ANTXRL: variants seen among roughly 807,000 people sequenced by gnomAD.
The protein encoded by ANTXRL is ANTXR like.
Under a neutral mutation model 75.4 loss-of-function variants are expected in ANTXRL, and 63 were observed. The observed-to-expected ratio is 0.84, with a 90% CI of 0.68 to 1.03. ANTXRL has a LOEUF of 1.03. Among genes scored for constraint, ANTXRL ranks in the 50% least tolerant of loss-of-function variants. The probability of loss-of-function intolerance (pLI) is 0.00; values close to 1 mark genes in which losing one functional copy is unlikely to be tolerated. For missense variants in ANTXRL, 797 were observed against 789.4 expected, an observed-to-expected ratio of 1.01 and a Z score of -0.12; for synonymous variants, 335 against 291.3, an observed-to-expected ratio of 1.15 and a Z score of -1.53.
chr10:46,303,547 C>A (rs1358382006), intron 10 of ANTXRL, among the ~76,000 whole-genome samples: 2 of 152,278 alleles, frequency 1.3e-5, no homozygotes, highest in African/African-American at 2.4e-5. Context: ...GCATTTCTTT[C>A]GAACATCATG....
intron 16 of ANTXRL, among the ~76,000 whole-genome samples, chr10:46,329,323 A>C (rs782700335): frequency 4.6e-5 from 7 of 152,000 alleles, no homozygotes; most frequent in Non-Finnish European, 7.4e-5. Flanking sequence ...TACCAGGGGG[A>C]AGCAAACAAT....
chr10:46,318,119 A>G (rs1176577361), intron 16 of ANTXRL, among the ~76,000 whole-genome samples: 2 of 152,130 alleles, frequency 1.3e-5, no homozygotes, highest in African/African-American at 4.8e-5. Context: ...AGGTGGCCTC[A>G]GTGTTAGTGC....
intron 9 of ANTXRL, among the ~76,000 whole-genome samples, chr10:46,300,580 T>G (rs1340320327): frequency 3.3e-5 from 5 of 151,748 alleles, no homozygotes; most frequent in African/African-American, 1.2e-4. Context: ...GTCCACTTCC[T>G]GTTCTGGGCG....
In ANTXRL at chr10:46,313,321, G is replaced by A. The variant is rs1439208410; in HGVS notation, c.1410+5G>A. ...TGTTGTCAGAGCAGGGACCAGGTGA[G>A]CTAGGGCACAGGGACACAGTTGATG... On this transcript the variant is annotated splice_donor_5th_base_variant and intron_variant, in intron 16 of 16. Coordinates refer to ENST00000620264, the MANE Select transcript of ANTXRL (RefSeq NM_001278688.3). The A allele has an allele frequency of 2.5e-5, 39 of 1,535,696 alleles. No individual in the cohort carries two copies. The highest frequency in any genetic ancestry group is 3.3e-5 in the Non-Finnish European group (38 of 1,146,644).
chr10:46,311,280 C>G (rs549104881), intron 14 of ANTXRL, among the ~76,000 whole-genome samples: 1 of 152,076 alleles, frequency 6.6e-6, no homozygotes, highest in East Asian at 1.9e-4. Flanking sequence ...AGGCCTCTTT[C>G]AACAAGGGCA....
At chr10:46,320,908 G>T (rs1554965462) in intron 16 of ANTXRL, among the ~76,000 whole-genome samples, 1 of 152,128 alleles carries the variant, frequency 6.6e-6, no homozygotes, top group Admixed American at 6.5e-5. Flanking sequence ...TAATTCCCAG[G>T]TCTTGAGAGA....
intron 3 of ANTXRL, among the ~76,000 whole-genome samples, chr10:46,294,381 C>T (rs1208173093): frequency 5.3e-5 from 8 of 151,932 alleles, no homozygotes; most frequent in African/African-American, 1.7e-4. Context: ...CTGGGGAGCC[C>T]CTGGGTGGGG....
chr10:46,311,729 A>G, intron 15 of ANTXRL, 64 bp downstream of exon 15: 1 of 694,520 alleles, frequency 1.4e-6, no homozygotes, highest in East Asian at 2.8e-5. Context: ...GAGGGGGCAG[A>G]TGGGTCCCAC....
At position 46,297,381 on chromosome 10, in the gene ANTXRL, A is replaced by G. The variant is rs1470140873; in HGVS notation, c.586-25A>G. ...TTTGCTCCATGTATTTTGATGACCA[A>G]TATGCAATGCCTTCTTTCCCTTAGG... On this transcript the variant is annotated intron_variant, in intron 6 of 16. Coordinates refer to ENST00000620264, the MANE Select transcript of ANTXRL (RefSeq NM_001278688.3). 6.5e-6 allele frequency: 10 copies of G among 1,535,978 alleles called. No homozygotes were observed. The African/African-American group carries it at 1.4e-4, about 21-fold the overall frequency.
At chr10:46,301,829 G>A (rs571116646) in intron 9 of ANTXRL, among the ~76,000 whole-genome samples, 4 of 152,326 alleles carry the variant, frequency 2.6e-5, no homozygotes, top group African/African-American at 7.2e-5. Flanking sequence ...CATGGACCGG[G>A]GGCGCCCCAA....
chr10:46,295,096 A>C (rs1179944152), intron 3 of ANTXRL, among the ~76,000 whole-genome samples: 4 of 152,196 alleles, frequency 2.6e-5, no homozygotes, highest in African/African-American at 9.7e-5. Flanking sequence ...CAGCCCCTGC[A>C]TGCACAGCTG....
rs1198514316 is a variant in ANTXRL, at chr10:46,287,372, G to A, written c.110G>A (p.Trp37Ter). The A allele has an allele frequency of 2.6e-6, 4 of 1,536,054 alleles. No individual in the cohort carries two copies. Among genetic ancestry groups the A allele is most frequent in the Non-Finnish European group, 3.5e-6 (4 of 1,146,788 alleles). The change falls in exon 1 of 17, where the codon TGG becomes TAG. Residue 37 changes from tryptophan to a stop codon, truncating the protein, a stop_gained. Coordinates refer to ENST00000620264, the MANE Select transcript of ANTXRL (RefSeq NM_001278688.3). LOFTEE classifies it high-confidence loss of function. ...AGSLRYHGPD[W>*]RIFHRLALGS... The stretch of plus-strand genomic sequence containing the variant: ...AGCCTTCGGTACCATGGACCTGACT[G>A]GAGAATATTTCACCGCCTGGCCCTG...
At chr10:46,326,533 G>T (rs1161766803) in intron 16 of ANTXRL, among the ~76,000 whole-genome samples, 1 of 152,106 alleles carries the variant, frequency 6.6e-6, no homozygotes, top group Non-Finnish European at 1.5e-5. Context: ...CCTAGGGATT[G>T]CTCAGAGGAA....
chr10:46,311,262 C>A (rs1382669186), intron 14 of ANTXRL, among the ~76,000 whole-genome samples: 2 of 152,114 alleles, frequency 1.3e-5, no homozygotes, highest in South Asian at 2.1e-4. Flanking sequence ...TTGCATAACC[C>A]CCAGGGCAGG....
intron 16 of ANTXRL, among the ~76,000 whole-genome samples, chr10:46,318,870 C>T (rs1838856037): frequency 6.6e-6 from 1 of 152,126 alleles, no homozygotes; most frequent in African/African-American, 2.4e-5. Flanking sequence ...AGGACAGACT[C>T]AGAGAGTTTC....
At position 46,287,108 on chromosome 10, in the gene ANTXRL, G is replaced by A. The variant is rs1836795318; in HGVS notation, c.-155G>A. ...GTCCCTGCGATCTGGGGAGGTACCTGGTGGAGGGCCATAGTGTGCACTGGT... is the reference window on the plus strand; with the variant it reads ...GTCCCTGCGATCTGGGGAGGTACCTAGTGGAGGGCCATAGTGTGCACTGGT... On this transcript the variant is annotated 5_prime_UTR_variant, in exon 1 of 17. Transcript: ENST00000620264. 2 of 971,250 alleles carry A rather than the reference G, an allele frequency of 2.1e-6. No homozygotes were observed. Among genetic ancestry groups the A allele is most frequent in the South Asian group, 3.5e-5 (2 of 57,690 alleles). The allele number at this position is 971,250 out of a possible 1,614,324, so 60.2% of individuals were successfully genotyped here.
Position 46,329,871 on chromosome 10 carries a change from G to A in ANTXRL, c.1683G>A (p.Pro561=), listed in dbSNP as rs1279249968. The change falls in exon 17 of 17, where the codon CCG becomes CCA. Residue 561 remains proline (P), a synonymous_variant. Transcript: ENST00000620264. ...CSPRICLRHS[P]EYFSQAQTLC... ...CAAGGATCTGCCTGAGACACAGCCC[G>A]GAGTACTTTTCCCAAGCACAGACTC... The A allele has an allele frequency of 1.5e-5, 23 of 1,535,230 alleles. No individual in the cohort carries two copies. The South Asian group carries it at 2.0e-4, about 14-fold the overall frequency.
chr10:46,297,807 C>G (rs1837473114), intron 7 of ANTXRL, 24 bp from the exon 8 acceptor site: 6 of 1,534,626 alleles, frequency 3.9e-6, no homozygotes, highest in Non-Finnish European at 5.2e-6. Flanking sequence ...GGTGGGGAGT[C>G]CAACCCAGCT....
intron 10 of ANTXRL, among the ~76,000 whole-genome samples, chr10:46,303,772 A>C (rs1837899385): frequency 6.6e-6 from 1 of 152,128 alleles, no homozygotes; most frequent in Non-Finnish European, 1.5e-5. Flanking sequence ...GAGGAAGCGC[A>C]TAGTCCAGGC....
Sources: gnomAD v4.1 joint callset for allele counts (sites outside exome capture counted in the v4.1 genomes callset) on GRCh38, gnomAD v4.1.1 for gene constraint, MANE v1.5 for transcripts, NCBI Gene and HGNC (gene_info 2026-07-23, HGNC 2026-07-21) for gene names.